The following CENPC variants were observed in gnomAD, a reference collection of about 807,000 sequenced individuals.
The protein encoded by CENPC is centromere protein C.
A neutral mutation model predicts 112.1 loss-of-function variants in CENPC; 63 were observed. The observed-to-expected ratio is 0.56, with a 90% confidence interval of 0.46 to 0.69. CENPC has a LOEUF of 0.69. CENPC is among the 30% of genes least tolerant of loss of function. The pLI, the probability that CENPC is intolerant of heterozygous loss-of-function variation, is 0.00. For missense variants in CENPC, 1,000 were observed against 1,103.8 expected (o/e 0.91, Z 1.33); for synonymous variants, 333 against 367.6 (o/e 0.91, Z 1.08).
intron 5 of CENPC, among the ~76,000 whole-genome samples, chr4:67,529,976 C>A (rs1419010395): frequency 6.6e-6 from 1 of 151,896 alleles, no homozygotes; most frequent in African/African-American, 2.4e-5. Flanking sequence ...CAGAAGAGAA[C>A]AGATTTTTTT....
chr4:67,491,527 A>AGAGAGAGAGAGAGAGAGAGC (rs1433475806), intron 16 of CENPC, among the ~76,000 whole-genome samples: 4 of 126,410 alleles, frequency 3.2e-5, no homozygotes, highest in Admixed American at 8.6e-5. Flanking sequence ...AGAGAGAGAG[A>AGAGAGAGAGAGAGAGAGAGC]GCCTGGTTGT....
In CENPC at chr4:67,491,521, A is replaced by AGC. The variant is rs1470457400; in HGVS notation, c.2515+658_2515+659insGC. On this transcript the variant is annotated intron_variant, in intron 16 of 18. Coordinates refer to ENST00000273853, the MANE Select transcript of CENPC (RefSeq NM_001812.4). ...GAGAGAGAGAGAGAGAGAGAGAGAG[A>AGC]GAGAGAGCCTGGTTGTTAAACAGTT... 1.7e-3 allele frequency among the ~76,000 whole-genome samples: 234 copies of AGC among 134,746 alleles called. 1 individual carries two copies. The highest frequency in any genetic ancestry group is 4.3e-3 in the Middle Eastern group (1 of 234). The allele number at this position is 134,746 out of a possible 152,430, so 88.4% of individuals were successfully genotyped here.
chr4:67,519,752 T>C (rs1411400486), intron 5 of CENPC, among the ~76,000 whole-genome samples: 1 of 152,104 alleles, frequency 6.6e-6, no homozygotes, highest in Non-Finnish European at 1.5e-5. Flanking sequence ...AATATAGATA[T>C]AACAGATATA....
intron 5 of CENPC, among the ~76,000 whole-genome samples, chr4:67,526,945 G>A (rs1489213357): frequency 6.6e-6 from 1 of 152,094 alleles, no homozygotes; most frequent in African/African-American, 2.4e-5. Flanking sequence ...TGCATACTAT[G>A]TCATAAAGGA....
intron 5 of CENPC, among the ~76,000 whole-genome samples, chr4:67,520,446 C>T (rs573808538): frequency 1.2e-4 from 18 of 152,104 alleles, no homozygotes; most frequent in African/African-American, 4.3e-4. Flanking sequence ...AACCAGGGCA[C>T]CAGCAGACAG....
At chr4:67,531,469 T>C (rs1462391656) in intron 4 of CENPC, among the ~76,000 whole-genome samples, 1 of 152,224 alleles carries the variant, frequency 6.6e-6, no homozygotes, top group Non-Finnish European at 1.5e-5. Flanking sequence ...ACTTTTAGAA[T>C]GTTCCCTCCA....
chr4:67,474,151 A>G (rs1015630282), intron 18 of CENPC, among the ~76,000 whole-genome samples: 7 of 151,154 alleles, frequency 4.6e-5, no homozygotes, highest in African/African-American at 1.7e-4. Flanking sequence ...TGCAAGCTCC[A>G]CCTCCCAGGT....
chr4:67,519,614 CAA>C (rs1168099508), intron 5 of CENPC, 112 bp from the exon 6 acceptor site: 6 of 707,434 alleles, frequency 8.5e-6, no homozygotes, highest in Non-Finnish European at 1.3e-5. Context: ...TCAGAAAACT[CAA>C]AGTCATTAAG....
chr4:67,514,827 A>T lies in CENPC; in HGVS notation c.831-140T>A. 3.6e-6 allele frequency: 3 copies of T among 829,814 alleles called. No individual in the cohort carries two copies. The East Asian group carries it at 8.1e-5, about 22-fold the overall frequency. The allele number at this position is 829,814 out of a possible 1,614,324, so 51.4% of individuals were successfully genotyped here. A position where few individuals can be genotyped will look rare whatever the true frequency, so the allele number is the denominator to read the frequency against. ...TCCTCAATTTTCCCTTAATCTTACA[A>T]ATCTTTCCCTCCTTTCACATTTCTA... On this transcript the variant is annotated intron_variant, in intron 7 of 18. Coordinates refer to ENST00000273853, the MANE Select transcript of CENPC (RefSeq NM_001812.4).
intron 18 of CENPC, 30 bp downstream of exon 18, chr4:67,474,858 A>T (rs370054315): frequency 8.3e-5 from 108 of 1,305,764 alleles, no homozygotes; most frequent in Admixed American, 1.4e-4. Context: ...AACTATATAC[A>T]TGTTGTCTAA....
At chr4:67,485,143 CT>C (rs1049767168) in intron 17 of CENPC, among the ~76,000 whole-genome samples, 1 of 152,078 alleles carries the variant, frequency 6.6e-6, no homozygotes, top group African/African-American at 2.4e-5. Context: ...ATGTATGCCT[CT>C]TTAAAGGTCA....
chr4:67,518,488 A>C, intron 6 of CENPC, 120 bp from the exon 7 acceptor site: 2 of 1,063,966 alleles, frequency 1.9e-6, no homozygotes, highest in Non-Finnish European at 2.4e-6. Flanking sequence ...CTAGGCATTT[A>C]TTTAAGACAT....
chr4:67,508,954 G>C lies in CENPC; in HGVS notation c.1764C>G (p.Asn588Lys), dbSNP rs781234524. 6.8e-6 allele frequency: 11 copies of C among 1,613,502 alleles called. No individual in the cohort carries two copies. The South Asian group carries it at 1.2e-4, about 18-fold the overall frequency. The change falls in exon 10 of 19, where the codon AAC becomes AAG. Residue 588 changes from asparagine (N) to lysine (K), a missense_variant. Coordinates refer to ENST00000273853, the MANE Select transcript of CENPC (RefSeq NM_001812.4). ...LKRQKTATKG[N>K]QRVQKFLNAE... ...CATTTAAAAACTTCTGTACTCTTTG[G>C]TTGCCTTTAGTTGCTGTCTTCTGCC...
intron 16 of CENPC, among the ~76,000 whole-genome samples, chr4:67,490,859 T>TAGAA (rs1439927764): frequency 6.2e-3 from 126 of 20,186 alleles, no homozygotes; most frequent in Non-Finnish European, 0.015. Context: ...TATATATATA[T>TAGAA]ATATATATAT....
At chr4:67,480,855 A>C (rs1028015561) in intron 17 of CENPC, among the ~76,000 whole-genome samples, 1 of 152,218 alleles carries the variant, frequency 6.6e-6, no homozygotes, top group Admixed American at 6.5e-5. Flanking sequence ...AACAAGGAAA[A>C]GTTGAAAAGT....
At position 67,480,766 on chromosome 4, in the gene CENPC, C is replaced by T. The variant is rs567015461; in HGVS notation, c.2671-5788G>A. Among the ~76,000 whole-genome samples, 3 of 152,310 alleles carry T rather than the reference C, an allele frequency of 2.0e-5. No homozygotes were observed. The South Asian group carries it at 6.2e-4, about 32-fold the overall frequency. On this transcript the variant is annotated intron_variant, in intron 17 of 18. Coordinates refer to ENST00000273853, the MANE Select transcript of CENPC (RefSeq NM_001812.4). ...GGCATTGCTTTATGATTAAAACCCT[C>T]AGCAAAATCGGCATAGAAGGAGCAT...
rs372473401 is a variant in CENPC, at chr4:67,474,955, G to T, written c.2694C>A (p.Asp898Glu). Reference sequence around the variant, plus strand: ...GTGTTTCATGTAAAGTACACAAAAGGTCACCAAAGTTAACATAAAAAACCT... The same window carrying T: ...GTGTTTCATGTAAAGTACACAAAAGTTCACCAAAGTTAACATAAAAAACCT... ...DILVFYVNFG[D>E]LLCTLHETPY... Residue 898 changes from aspartate (D) to glutamate (E), a missense_variant, in exon 18 of 19, where the codon GAC becomes GAA. Coordinates refer to ENST00000273853, the MANE Select transcript of CENPC (RefSeq NM_001812.4). 5 of 1,557,760 alleles carry T rather than the reference G, an allele frequency of 3.2e-6. No individual in the cohort carries two copies. Among genetic ancestry groups the T allele is most frequent in the African/African-American group, 1.4e-5 (1 of 73,014 alleles).
intron 5 of CENPC, among the ~76,000 whole-genome samples, chr4:67,524,303 C>A (rs1366224812): frequency 1.3e-5 from 2 of 152,092 alleles, no homozygotes; most frequent in Non-Finnish European, 2.9e-5. Flanking sequence ...TCCTATTCAA[C>A]ACAGTATTGG....
chr4:67,488,415 A>C (rs1051768655), intron 17 of CENPC, among the ~76,000 whole-genome samples: 1 of 152,018 alleles, frequency 6.6e-6, no homozygotes. Flanking sequence ...TCAATAAATA[A>C]CTACATATGT....
Sources: allele counts gnomAD v4.1 joint callset (sites outside exome capture counted in the v4.1 genomes callset), GRCh38; gene constraint gnomAD v4.1.1; transcripts MANE v1.5; gene names NCBI Gene and HGNC (gene_info 2026-07-23, HGNC 2026-07-21).